The following ARMC9 variants were observed in gnomAD, a reference collection of about 807,000 sequenced individuals.
ARMC9 encodes lisH domain-containing protein ARMC9.
In ARMC9, 94 loss-of-function variants were observed where a neutral mutation model predicts 107.0. The observed-to-expected ratio is 0.88, with a 90% CI of 0.74 to 1.04. ARMC9 has a LOEUF of 1.04. ARMC9 is among the 50% of genes least tolerant of loss of function. ARMC9 has a pLI of 0.00. For missense variants in ARMC9, 942 were observed against 1,030.1 expected (o/e 0.91, Z 1.17); for synonymous variants, 380 against 396.9 (o/e 0.96, Z 0.51).
At chr2:231,201,132 A>G (rs2030870053) in intron 1 of ARMC9, among the ~76,000 whole-genome samples, 1 of 152,142 alleles carries the variant, frequency 6.6e-6, no homozygotes, top group Non-Finnish European at 1.5e-5. Flanking sequence ...AAAAGGCTGG[A>G]GAGGTGGGTG....
rs2041358400 is a variant in ARMC9 at position 231,296,257 on chromosome 2, A to G, written c.1773+4A>G. 6.2e-7 allele frequency: 1 copy of G among 1,612,516 alleles called. No individual in the cohort carries two copies. Among genetic ancestry groups the G allele is most frequent in the Admixed American group, 1.7e-5 (1 of 59,898 alleles). On this transcript the variant is annotated splice_donor_region_variant and intron_variant, in intron 19 of 24. Transcript: ENST00000611582. ...TGATGAAGATGAAGATGATGAAGTA[A>G]GTTGGAGGTTCTTGACACCACATAG... is the stretch of plus-strand genomic sequence containing the variant.
chr2:231,355,776 C>CAT, intron 21 of ARMC9, 22 bp from the exon 22 acceptor site: 11 of 1,521,648 alleles, frequency 7.2e-6, no homozygotes, highest in Non-Finnish European at 7.0e-6. Flanking sequence ...TACTCACTGC[C>CAT]GTTTTTCATG....
intron 20 of ARMC9, among the ~76,000 whole-genome samples, chr2:231,335,201 G>A (rs1409750868): frequency 5.9e-5 from 9 of 152,176 alleles, no homozygotes; most frequent in Admixed American, 4.6e-4. Flanking sequence ...GATAACAGCT[G>A]GTCAGTGGCC....
At chr2:231,367,798 C>T (rs1404140095) in intron 23 of ARMC9, among the ~76,000 whole-genome samples, 1 of 151,838 alleles carries the variant, frequency 6.6e-6, no homozygotes, top group African/African-American at 2.4e-5. Flanking sequence ...GCCTGGCCAA[C>T]ATTGTGAAAC....
intron 23 of ARMC9, among the ~76,000 whole-genome samples, chr2:231,361,764 T>G (rs1358681081): frequency 1.3e-5 from 2 of 152,062 alleles, no homozygotes; most frequent in Admixed American, 1.3e-4. Context: ...CGGTAAAATA[T>G]GGGGCTGGAG....
At chr2:231,286,355 T>TCAC (rs2040591473) in intron 17 of ARMC9, among the ~76,000 whole-genome samples, 1 of 152,206 alleles carries the variant, frequency 6.6e-6, no homozygotes, top group Non-Finnish European at 1.5e-5. Context: ...CCTCAGGTGA[T>TCAC]CCACCCACCT....
chr2:231,215,028 G>T, intron 4 of ARMC9, 27 bp downstream of exon 4: 2 of 1,610,576 alleles, frequency 1.2e-6, no homozygotes, highest in Non-Finnish European at 1.7e-6. Context: ...ATGCGGGTGG[G>T]TCTGAGTGGT....
rs370860340 is a variant in ARMC9, at chr2:231,291,286, C to G, written c.1627-67C>G. 10 of 1,289,124 alleles carry G rather than the reference C, an allele frequency of 7.8e-6. No homozygotes were observed. The African/African-American group carries it at 1.2e-4, about 15-fold the overall frequency. 79.9% of individuals were successfully genotyped at this position (1,289,124 alleles called of 1,614,324 possible). On this transcript the variant is annotated intron_variant, in intron 17 of 24. Transcript: ENST00000611582. ...TTATTTTTTGGATTAGATGAGATGA[C>G]CTCATTGAAAAGTAGTTTCCCTCCA...
At chr2:231,343,420 T>C (rs1332095836) in intron 20 of ARMC9, among the ~76,000 whole-genome samples, 1 of 151,846 alleles carries the variant, frequency 6.6e-6, no homozygotes, top group Non-Finnish European at 1.5e-5. Flanking sequence ...TTATTTTATT[T>C]ACTTTTTGTT....
chr2:231,225,370 A>G (rs1418305016), intron 6 of ARMC9, among the ~76,000 whole-genome samples: 1 of 152,220 alleles, frequency 6.6e-6, no homozygotes, highest in East Asian at 1.9e-4. Flanking sequence ...TACCCAAGAG[A>G]AATGAAACAT....
At chr2:231,235,645 T>C (rs2035639887) in intron 8 of ARMC9, among the ~76,000 whole-genome samples, 1 of 151,834 alleles carries the variant, frequency 6.6e-6, no homozygotes, top group African/African-American at 2.4e-5. Flanking sequence ...TATTCTTTTT[T>C]GTTTGTTTGT....
At chr2:231,231,276 C>T (rs1366410171) in intron 7 of ARMC9, among the ~76,000 whole-genome samples, 1 of 152,124 alleles carries the variant, frequency 6.6e-6, no homozygotes, top group Non-Finnish European at 1.5e-5. Flanking sequence ...AGATGTTCTC[C>T]AATACTTACG....
chr2:231,371,322 G>C (rs370221897), intron 24 of ARMC9, among the ~76,000 whole-genome samples, 191 bp from the exon 25 acceptor site: 1 of 152,120 alleles, frequency 6.6e-6, no homozygotes, highest in African/African-American at 2.4e-5. Flanking sequence ...TGAGTGACCC[G>C]CACCAAGCAG....
chr2:231,256,550 A>G (rs936225525), intron 9 of ARMC9, 36 bp from the exon 10 acceptor site: 6 of 1,610,218 alleles, frequency 3.7e-6, no homozygotes, highest in African/African-American at 1.3e-5. Context: ...ATCAGTGTTT[A>G]ACACCATCTG....
At chr2:231,213,702 CCT>C (rs1372727440) in intron 3 of ARMC9, among the ~76,000 whole-genome samples, 2 of 152,040 alleles carry the variant, frequency 1.3e-5, no homozygotes, top group Non-Finnish European at 2.9e-5. Flanking sequence ...GTCTCGAACT[CCT>C]GACCTTGTGA....
chr2:231,201,951 C>T (rs577993068), intron 1 of ARMC9, among the ~76,000 whole-genome samples: 5 of 147,598 alleles, frequency 3.4e-5, no homozygotes, highest in African/African-American at 5.0e-5. Flanking sequence ...CCCTTCTCTT[C>T]GAACTGTCAC....
At chr2:231,243,083 A>G (rs1294878127) in intron 9 of ARMC9, among the ~76,000 whole-genome samples, 2 of 152,096 alleles carry the variant, frequency 1.3e-5, no homozygotes, top group Non-Finnish European at 2.9e-5. Flanking sequence ...TGTCTCTACT[A>G]AAAATACAAA....
intron 11 of ARMC9, among the ~76,000 whole-genome samples, chr2:231,261,109 A>G (rs1186214933): frequency 6.6e-6 from 1 of 152,094 alleles, no homozygotes; most frequent in Non-Finnish European, 1.5e-5. Context: ...AAGAACTAGC[A>G]TATTCCTTGC....
Position 231,369,984 on chromosome 2 carries a change from C to T in ARMC9, c.2293C>T (p.Arg765Trp), listed in dbSNP as rs1043383250. The stretch of plus-strand genomic sequence containing the variant: ...TGCATCAGCCTTCACCTGCAAGCCC[C>T]GGGCCCCCTGCACTCCAGAGATGCT... The part of the protein sequence containing the change: ...ECASAFTCKP[R>W]APCTPEMLDW... The change falls in exon 24 of 25, where the codon CGG becomes TGG. Residue 765 changes from arginine (R) to tryptophan (W), a missense_variant. Transcript: ENST00000611582. The T allele has an allele frequency of 2.6e-5, 39 of 1,529,390 alleles. No homozygotes were observed. Among genetic ancestry groups the T allele is most frequent in the African/African-American group, 2.1e-4 (15 of 72,836 alleles). The allele number at this position is 1,529,390 out of a possible 1,614,324, so 94.7% of individuals were successfully genotyped here. A position where few individuals can be genotyped will look rare whatever the true frequency, so the allele number is the denominator to read the frequency against.
Sources: allele counts gnomAD v4.1 joint callset (sites outside exome capture counted in the v4.1 genomes callset), GRCh38; gene constraint gnomAD v4.1.1; transcripts MANE v1.5; gene names NCBI Gene and HGNC (gene_info 2026-07-23, HGNC 2026-07-21).